LRP1B: variants seen among roughly 807,000 people sequenced by gnomAD.
LRP1B encodes LDL receptor related protein 1B, also known as low-density lipoprotein receptor-related protein 1B.
In LRP1B, 217 loss-of-function variants were observed where a neutral mutation model predicts 556.6. That is an observed-to-expected ratio of 0.39 (90% confidence interval 0.35 to 0.44). The LOEUF is 0.44. Ranked by LOEUF, LRP1B falls within the 20% of genes least tolerant of loss-of-function variation. The pLI is 1.00. For missense variants in LRP1B, 5,053 were observed against 5,620.8 expected (o/e 0.90, Z 3.23); for synonymous variants, 2,047 against 1,865.8 (o/e 1.10, Z -2.50).
At chr2:141,853,930 A>C (rs1028219954) in intron 1 of LRP1B, among the ~76,000 whole-genome samples, 6 of 152,130 alleles carry the variant, frequency 3.9e-5, no homozygotes, top group African/African-American at 1.4e-4. Context: ...TAAATATTCC[A>C]ATTATTAAAT....
chr2:140,583,659 G>A (rs1681870394), intron 43 of LRP1B, among the ~76,000 whole-genome samples: 1 of 151,994 alleles, frequency 6.6e-6, no homozygotes, highest in Non-Finnish European at 1.5e-5. Context: ...ATTTAACAAT[G>A]TAATTGTACA....
rs1481932159 is a variant in LRP1B, at chr2:140,232,590, T to G, written c.*596A>C. On this transcript the variant is annotated 3_prime_UTR_variant, in exon 91 of 91. Coordinates refer to ENST00000389484, the MANE Select transcript of LRP1B (RefSeq NM_018557.3). ...CATCTGTGTTCATGCAAATTATTAA[T>G]TTTACATATTTTTAATTTTTTTCCT... 1 of 151,734 alleles carries G rather than the reference T, an allele frequency of 6.6e-6. No homozygotes were observed. Among genetic ancestry groups the G allele is most frequent in the Non-Finnish European group, 1.5e-5 (1 of 67,542 alleles). The allele number at this position is 151,734 out of a possible 1,614,324, so 9.4% of individuals were successfully genotyped here. A position where few individuals can be genotyped will look rare whatever the true frequency, so the allele number is the denominator to read the frequency against.
intron 7 of LRP1B, among the ~76,000 whole-genome samples, chr2:141,070,640 C>T (rs1175885505): frequency 6.6e-6 from 1 of 151,938 alleles, no homozygotes. Flanking sequence ...AGAGAAGAAT[C>T]AAATAGACGC....
chr2:140,582,529 G>T (rs150272053), intron 43 of LRP1B, among the ~76,000 whole-genome samples: 2 of 152,154 alleles, frequency 1.3e-5, no homozygotes, highest in Non-Finnish European at 2.9e-5. Flanking sequence ...TGATAAAACC[G>T]TGAGGGAAGA....
intron 2 of LRP1B, among the ~76,000 whole-genome samples, chr2:141,734,264 T>C (rs1179994149): frequency 6.6e-6 from 1 of 152,084 alleles, no homozygotes; most frequent in Admixed American, 6.6e-5. Flanking sequence ...ACTTTGGAAA[T>C]CTAGTAAACT....
chr2:141,986,546 A>G (rs1702191564), intron 1 of LRP1B, among the ~76,000 whole-genome samples: 1 of 151,928 alleles, frequency 6.6e-6, no homozygotes. Context: ...TATTTACATA[A>G]AATATCATAG....
chr2:141,710,795 T>G (rs575991855), intron 2 of LRP1B, among the ~76,000 whole-genome samples: 23 of 152,190 alleles, frequency 1.5e-4, no homozygotes, highest in Non-Finnish European at 3.1e-4. Flanking sequence ...CTTTGGTTAT[T>G]GCTACAAACA....
At chr2:141,199,322 G>A (rs1681896648) in intron 6 of LRP1B, among the ~76,000 whole-genome samples, 1 of 152,098 alleles carries the variant, frequency 6.6e-6, no homozygotes, top group Non-Finnish European at 1.5e-5. Context: ...GGCCACTCAG[G>A]AACTGAGGCT....
At chr2:140,946,352 C>T (rs1349056930) in intron 20 of LRP1B, among the ~76,000 whole-genome samples, 1 of 152,094 alleles carries the variant, frequency 6.6e-6, no homozygotes, top group African/African-American at 2.4e-5. Flanking sequence ...GTAATCTCAG[C>T]ACTTTGAGAG....
intron 3 of LRP1B, among the ~76,000 whole-genome samples, chr2:141,356,292 T>C (rs1688623726): frequency 6.6e-6 from 1 of 152,200 alleles, no homozygotes; most frequent in South Asian, 2.1e-4. Context: ...AATGATAATG[T>C]CTTCCCTGGA....
chr2:141,256,668 G>A (rs1684477685), intron 3 of LRP1B, among the ~76,000 whole-genome samples: 1 of 152,040 alleles, frequency 6.6e-6, no homozygotes, highest in African/African-American at 2.4e-5. Context: ...GACACTAAAT[G>A]AGTAGTACTA....
chr2:141,771,518 A>G (rs1457324908), intron 2 of LRP1B, among the ~76,000 whole-genome samples: 1 of 152,208 alleles, frequency 6.6e-6, no homozygotes, highest in Non-Finnish European at 1.5e-5. Context: ...CTAAAATTGC[A>G]TTGGAAAAAT....
At position 141,909,642 on chromosome 2, in the gene LRP1B, G is replaced by A. The variant is rs118074449; in HGVS notation, c.83-99241C>T. Among the ~76,000 whole-genome samples, 203 of 148,054 alleles carry A rather than the reference G, an allele frequency of 1.4e-3. 1 individual carries two copies. In the East Asian group the frequency reaches 0.031, roughly 23 times the overall value. ...CAGTAATTTTGTGCTCACCAGTGGA[G>A]CCATACTAAAAATGACACTGAACCA... is the stretch of plus-strand genomic sequence containing the variant. On this transcript the variant is annotated intron_variant, in intron 1 of 90. Coordinates refer to ENST00000389484, the MANE Select transcript of LRP1B (RefSeq NM_018557.3).
chr2:141,682,924 T>C, intron 2 of LRP1B, among the ~76,000 whole-genome samples: 1 of 152,178 alleles, frequency 6.6e-6, no homozygotes, highest in East Asian at 1.9e-4. Flanking sequence ...ATTCAGTGTT[T>C]GGTGCATAGC....
At chr2:140,917,825 C>T (rs894171754) in intron 21 of LRP1B, among the ~76,000 whole-genome samples, 10 of 151,950 alleles carry the variant, frequency 6.6e-5, no homozygotes, top group African/African-American at 2.4e-4. Context: ...TAAAGTAAAC[C>T]GTCATGTAAA....
chr2:141,869,587 G>A (rs1371178505), intron 1 of LRP1B, among the ~76,000 whole-genome samples: 1 of 152,076 alleles, frequency 6.6e-6, no homozygotes, highest in African/African-American at 2.4e-5. Flanking sequence ...AAACATATGG[G>A]TCTGTAGAAT....
At chr2:140,566,969 C>T (rs1574086959) in intron 43 of LRP1B, among the ~76,000 whole-genome samples, 1 of 152,118 alleles carries the variant, frequency 6.6e-6, no homozygotes, top group East Asian at 1.9e-4. Flanking sequence ...ACCCCCGATC[C>T]TGAGCTGAAG....
chr2:141,520,989 T>G (rs1268890922), intron 2 of LRP1B, among the ~76,000 whole-genome samples: 1 of 152,092 alleles, frequency 6.6e-6, no homozygotes, highest in Admixed American at 6.6e-5. Context: ...CTTAAAGTGC[T>G]AAAACTTAAG....
chr2:141,383,162 A>T (rs972536193), intron 3 of LRP1B, among the ~76,000 whole-genome samples: 5 of 152,230 alleles, frequency 3.3e-5, no homozygotes, highest in Non-Finnish European at 7.3e-5. Flanking sequence ...AATCAAAACC[A>T]CAATGAGACA....
Sources: gnomAD v4.1 joint callset for allele counts (sites outside exome capture counted in the v4.1 genomes callset) on GRCh38, gnomAD v4.1.1 for gene constraint, MANE v1.5 for transcripts, NCBI Gene and HGNC (gene_info 2026-07-23, HGNC 2026-07-21) for gene names.